SYTL2: variants seen among roughly 807,000 people sequenced by gnomAD.
SYTL2 encodes the protein synaptotagmin-like protein 2.
In SYTL2, 165 loss-of-function variants were observed where a neutral mutation model predicts 198.7. The ratio of observed to expected loss-of-function variants is 0.83; its 90% CI spans 0.73 to 0.94. The LOEUF (loss-of-function observed/expected upper bound fraction) is 0.94, where lower values mean the gene tolerates loss of function less well. Among genes scored for constraint, SYTL2 ranks in the 40% least tolerant of loss-of-function variants. The pLI is 0.00. For synonymous variants in SYTL2, 966 were observed against 917.7 expected, an observed-to-expected ratio of 1.05 and a Z score of -0.95; for missense variants, 2,835 against 2,582.8, an observed-to-expected ratio of 1.10 and a Z score of -2.12.
intron 1 of SYTL2, among the ~76,000 whole-genome samples, chr11:85,796,003 T>C (rs1305531815): frequency 6.6e-6 from 1 of 152,222 alleles, no homozygotes; most frequent in Non-Finnish European, 1.5e-5. Flanking sequence ...TTAAACTTCT[T>C]CATAGAAGAG....
At chr11:85,764,855 C>T (rs898403648) in intron 1 of SYTL2, among the ~76,000 whole-genome samples, 3 of 152,200 alleles carry the variant, frequency 2.0e-5, no homozygotes, top group African/African-American at 4.8e-5. Flanking sequence ...ATCAATCCCT[C>T]GAACCAGAAA....
chr11:85,765,118 G>T (rs1441961094), intron 1 of SYTL2, among the ~76,000 whole-genome samples: 2 of 152,180 alleles, frequency 1.3e-5, no homozygotes, highest in Non-Finnish European at 2.9e-5. Flanking sequence ...CTTGTGACTG[G>T]TTCAAGGTAG....
intron 1 of SYTL2, among the ~76,000 whole-genome samples, chr11:85,804,587 G>A (rs2092933323): frequency 6.6e-6 from 1 of 152,170 alleles, no homozygotes; most frequent in Non-Finnish European, 1.5e-5. Context: ...ATAAATTGAT[G>A]TAGGTATAGT....
At chr11:85,723,958 T>TAA (rs34653849) in intron 8 of SYTL2, 74 bp downstream of exon 8, 92 of 761,740 alleles carry the variant, frequency 1.2e-4, no homozygotes, top group Middle Eastern at 2.8e-4. Flanking sequence ...TAATCCCAAT[T>TAA]AAAAAAAATC....
intron 1 of SYTL2, among the ~76,000 whole-genome samples, chr11:85,791,923 T>C (rs561298285): frequency 6.6e-6 from 1 of 152,068 alleles, no homozygotes; most frequent in Non-Finnish European, 1.5e-5. Flanking sequence ...GCAGCTGCGA[T>C]AGGATTACAA....
intron 6 of SYTL2, among the ~76,000 whole-genome samples, chr11:85,735,991 C>T (rs1218816675): frequency 4.6e-5 from 7 of 152,088 alleles, no homozygotes; most frequent in African/African-American, 1.7e-4. Flanking sequence ...TTAGCATTTC[C>T]TCTTAACAGT....
chr11:85,770,173 A>G (rs1435257441), intron 1 of SYTL2, among the ~76,000 whole-genome samples: 1 of 152,174 alleles, frequency 6.6e-6, no homozygotes, highest in East Asian at 1.9e-4. Flanking sequence ...CTGCTATACA[A>G]ATCCCTAGCA....
chr11:85,780,877 C>T (rs73519655), intron 1 of SYTL2, among the ~76,000 whole-genome samples: 4,524 of 152,302 alleles, frequency 0.03, 74 homozygotes, highest in Middle Eastern at 0.071. Flanking sequence ...GGACTGGGCC[C>T]TCAGCCTGTG....
At chr11:85,710,681 G>A (rs1469563082) in intron 13 of SYTL2, among the ~76,000 whole-genome samples, 1 of 152,094 alleles carries the variant, frequency 6.6e-6, no homozygotes, top group African/African-American at 2.4e-5. Flanking sequence ...AAAAGGCAAG[G>A]AATTACCTCT....
At position 85,695,973 on chromosome 11, in the gene SYTL2, T is replaced by G. The variant is rs1025011553; in HGVS notation, c.6574+210A>C. ...CTGCCACAATAACTTAAACTCTATA[T>G]GCAGAGACACTTCACCCTGTTAATC... On this transcript the variant is annotated intron_variant, in intron 19 of 19. Transcript: ENST00000359152. Among the ~76,000 whole-genome samples, 2 of 152,244 alleles carry G rather than the reference T, an allele frequency of 1.3e-5. 1 individual carries two copies. Among genetic ancestry groups the G allele is most frequent in the Non-Finnish European group, 2.9e-5 (2 of 68,030 alleles).
the SYTL2 span, among the ~76,000 whole-genome samples, chr11:85,829,029 C>G: frequency 6.8e-6 from 1 of 147,948 alleles, no homozygotes; most frequent in South Asian, 2.1e-4. Flanking sequence ...ACTGGGCCAC[C>G]ATACCCAAAA....
At chr11:85,711,272 G>T (rs2153425107) in intron 12 of SYTL2, 40 bp from the exon 13 acceptor site, 3 of 1,597,238 alleles carry the variant, frequency 1.9e-6, no homozygotes, top group East Asian at 4.5e-5. Context: ...TTTAAATTCA[G>T]AATGAGTCAA....
intron 1 of SYTL2, among the ~76,000 whole-genome samples, chr11:85,769,851 C>T (rs2092321403): frequency 6.6e-6 from 1 of 152,156 alleles, no homozygotes; most frequent in Admixed American, 6.5e-5. Flanking sequence ...ACCGCACAGG[C>T]CCGTGGTGGT....
At chr11:85,802,989 T>G (rs1213908592) in intron 1 of SYTL2, among the ~76,000 whole-genome samples, 1 of 152,210 alleles carries the variant, frequency 6.6e-6, no homozygotes, top group East Asian at 1.9e-4. Context: ...CAGAAACATC[T>G]TCTTAACCAT....
At chr11:85,702,873 A>G (rs555712354) in intron 16 of SYTL2, among the ~76,000 whole-genome samples, 18 of 152,382 alleles carry the variant, frequency 1.2e-4, no homozygotes, top group African/African-American at 4.3e-4. Flanking sequence ...ATTTTTAAGT[A>G]CATACATTAA....
the SYTL2 span, among the ~76,000 whole-genome samples, chr11:85,819,765 C>A: frequency 3.3e-5 from 5 of 152,190 alleles, no homozygotes; most frequent in African/African-American, 1.2e-4. Flanking sequence ...GAGATCTCAT[C>A]CCTCTCTCTC....
chr11:85,839,235 G>A, the SYTL2 span, among the ~76,000 whole-genome samples: 2 of 151,924 alleles, frequency 1.3e-5, no homozygotes, highest in Non-Finnish European at 2.9e-5. Flanking sequence ...AGTTATTATT[G>A]ACTGTAGTCA....
At chr11:85,785,365 G>A (rs11234409) in intron 1 of SYTL2, among the ~76,000 whole-genome samples, 11,996 of 152,198 alleles carry the variant, frequency 0.079, 683 homozygotes, top group African/African-American at 0.15. Flanking sequence ...ATGAACCCCC[G>A]TCAGGTACGG....
chr11:85,753,162 T>C (rs2091647560), intron 2 of SYTL2, among the ~76,000 whole-genome samples: 2 of 152,008 alleles, frequency 1.3e-5, no homozygotes. Flanking sequence ...CTTTTGAGTA[T>C]GTGATTTTCA....
Sources: allele counts gnomAD v4.1 joint callset (sites outside exome capture counted in the v4.1 genomes callset), GRCh38; gene constraint gnomAD v4.1.1; transcripts MANE v1.5; gene names NCBI Gene and HGNC (gene_info 2026-07-23, HGNC 2026-07-21).